The following ACOT12 variants were observed in gnomAD, a reference collection of about 807,000 sequenced individuals.
ACOT12 encodes the protein acyl-CoA thioesterase 12, also known as acetyl-coenzyme A thioesterase.
ACOT12 carries 51 observed loss-of-function variants against 67.7 expected under a neutral mutation model. The ratio of observed to expected loss-of-function variants is 0.75; its 90% CI spans 0.60 to 0.95. ACOT12 has a LOEUF of 0.95. Among genes scored for constraint, ACOT12 ranks in the 40% least tolerant of loss-of-function variants. ACOT12 has a pLI of 0.00. For synonymous variants in ACOT12, 251 were observed against 244.6 expected, an observed-to-expected ratio of 1.03 and a Z score of -0.24; for missense variants, 734 against 708.1, an observed-to-expected ratio of 1.04 and a Z score of -0.41.
At chr5:81,309,073 G>T in the ACOT12 span, 1 of 1,481,524 alleles carries the variant, frequency 6.7e-7, no homozygotes, top group Non-Finnish European at 9.2e-7. Flanking sequence ...CAGAAATGGT[G>T]AGTCATCGTG....
intron 3 of ACOT12, among the ~76,000 whole-genome samples, chr5:81,364,652 C>T (rs781645268): frequency 3.3e-5 from 5 of 152,164 alleles, no homozygotes; most frequent in Admixed American, 6.5e-5. Context: ...TGGTCTCGAT[C>T]TCATGACCTC....
chr5:81,328,659 G>A (rs1758731127), downstream of ACOT12, among the ~76,000 whole-genome samples: 1 of 152,180 alleles, frequency 6.6e-6, no homozygotes, highest in Non-Finnish European at 1.5e-5. Context: ...TTCAGGATAT[G>A]CTGAATGATC....
rs187713658 is a variant in ACOT12, at chr5:81,353,325, C to T, written c.497-5395G>A. Among the ~76,000 whole-genome samples the T allele has an allele frequency of 3.9e-5, 6 of 152,294 alleles. No individual in the cohort carries two copies. The East Asian group carries it at 9.6e-4, about 24-fold the overall frequency. On this transcript the variant is annotated intron_variant, in intron 5 of 14. Coordinates refer to ENST00000307624, the MANE Select transcript of ACOT12 (RefSeq NM_130767.3). Reference sequence around the variant, plus strand: ...ATAGGGTTTTCCCAGGTTCAGAGAGCAATTCAGGCTCGCAGTTCTGGTTTG... The same window carrying T: ...ATAGGGTTTTCCCAGGTTCAGAGAGTAATTCAGGCTCGCAGTTCTGGTTTG...
chr5:81,380,122 T>C (rs940269073), intron 2 of ACOT12, among the ~76,000 whole-genome samples: 1 of 152,198 alleles, frequency 6.6e-6, no homozygotes, highest in African/African-American at 2.4e-5. Context: ...AAATTTAAAT[T>C]TCTGGCACAG....
At position 81,360,034 on chromosome 5, in the gene ACOT12, T is replaced by A. The variant is rs757681963; in HGVS notation, c.365A>T (p.His122Leu). 4 of 1,601,294 alleles carry A rather than the reference T, an allele frequency of 2.5e-6. No individual in the cohort carries two copies. Among genetic ancestry groups the A allele is most frequent in the Non-Finnish European group, 3.4e-6 (4 of 1,177,258 alleles). ...VAKPVGKEKI[H>L]LKPVTLLTEQ... is the part of the protein sequence containing the mutation. ...AGTTAGAAGTGTGACTGGTTTTAAA[T>A]GAATCTAGAGAAAGAAAAGCATTTA... is the stretch of plus-strand genomic sequence containing the variant. Residue 122 changes from histidine to leucine, a missense_variant, in exon 5 of 15, where the codon CAT becomes CTT. Physicochemically the swap from His to Leu is moderately conservative, Grantham distance 99. Transcript: ENST00000307624.
the ACOT12 span, chr5:81,312,676 T>G: frequency 6.4e-7 from 1 of 1,558,080 alleles, no homozygotes; most frequent in Non-Finnish European, 8.8e-7. Flanking sequence ...CAGCTAGCAC[T>G]ATCATGAGTT....
chr5:81,387,947 G>T (rs939734221), intron 1 of ACOT12, among the ~76,000 whole-genome samples: 1 of 151,902 alleles, frequency 6.6e-6, no homozygotes, highest in Non-Finnish European at 1.5e-5. Flanking sequence ...TGTATATGTA[G>T]CACTATACTA....
intron 5 of ACOT12, among the ~76,000 whole-genome samples, chr5:81,359,090 G>A (rs1439456495): frequency 6.6e-6 from 1 of 152,080 alleles, no homozygotes; most frequent in Non-Finnish European, 1.5e-5. Context: ...GTTCTGACAT[G>A]TTCTTGTCCT....
Position 81,363,881 on chromosome 5 carries a change from G to C in ACOT12, c.267C>G (p.Ile89Met). 1 of 1,579,918 alleles carries C rather than the reference G, an allele frequency of 6.3e-7. No individual in the cohort carries two copies. Among genetic ancestry groups the C allele is most frequent in the Non-Finnish European group, 8.6e-7 (1 of 1,163,432 alleles). The change falls in exon 4 of 15, where the codon ATC (isoleucine) becomes ATG (methionine). Residue 89 changes from isoleucine (I) to methionine (M), a missense_variant. Transcript: ENST00000307624. Reference sequence around the variant, plus strand: ...TGAGCATATCCTGTACCATGACCTTGATACTGATCTAAAATGAAAAAAAGA... The same window carrying C: ...TGAGCATATCCTGTACCATGACCTTCATACTGATCTAAAATGAAAAAAAGA... ...RAFSTSMEIS[I>M]KVMVQDMLTG...
downstream of ACOT12, among the ~76,000 whole-genome samples, chr5:81,327,021 T>C (rs1561316201): frequency 6.6e-6 from 1 of 152,130 alleles, no homozygotes; most frequent in Non-Finnish European, 1.5e-5. Context: ...TTTTCTTTTT[T>C]TAACTTAATC....
intron 14 of ACOT12, 107 bp from the exon 15 acceptor site, chr5:81,330,650 C>T (rs369504004): frequency 6.8e-7 from 1 of 1,481,082 alleles, no homozygotes; most frequent in South Asian, 1.3e-5. Flanking sequence ...CCCTAATCTT[C>T]TGGGGGACCT....
intron 4 of ACOT12, among the ~76,000 whole-genome samples, chr5:81,361,499 C>A (rs1171226721): frequency 6.6e-6 from 1 of 152,160 alleles, no homozygotes; most frequent in Non-Finnish European, 1.5e-5. Flanking sequence ...CTGCACCCAG[C>A]CTGATTTAAC....
the ACOT12 span, chr5:81,312,569 G>A: frequency 1.9e-5 from 30 of 1,613,576 alleles, no homozygotes; most frequent in Non-Finnish European, 2.5e-5. Flanking sequence ...TTGGTCGCTG[G>A]GCAAAGGGAA....
Position 81,355,993 on chromosome 5 carries a change from C to T in ACOT12, c.496+3910G>A, listed in dbSNP as rs1257168475. Among the ~76,000 whole-genome samples, 3 of 152,208 alleles carry T rather than the reference C, an allele frequency of 2.0e-5. 1 individual carries two copies. The highest frequency in any genetic ancestry group is 1.3e-4 in the Admixed American group (2 of 15,288). ...CTGTGTCCCTCACCGTCCACATGTC[C>T]TGCAACAGATGACACTCGGGCTGTT... On this transcript the variant is annotated intron_variant, in intron 5 of 14. Coordinates refer to ENST00000307624, the MANE Select transcript of ACOT12 (RefSeq NM_130767.3).
the ACOT12 span, among the ~76,000 whole-genome samples, chr5:81,314,263 C>G: frequency 6.6e-6 from 1 of 152,038 alleles, no homozygotes; most frequent in South Asian, 2.1e-4. Context: ...CACCACCACA[C>G]CCCGCTAATT....
At position 81,370,641 on chromosome 5, in the gene ACOT12, A is replaced by G. The variant is rs1350401570; in HGVS notation, c.258+1109T>C. Among the ~76,000 whole-genome samples, 3 of 152,328 alleles carry G rather than the reference A, an allele frequency of 2.0e-5. No homozygotes were observed. The East Asian group carries it at 5.8e-4, about 29-fold the overall frequency. ...AGACTACAGAGAGCCATGGGAGGGT[A>G]GGAGAGCAGCATGAACAGATTATCC... On this transcript the variant is annotated intron_variant, in intron 3 of 14. Coordinates refer to ENST00000307624, the MANE Select transcript of ACOT12 (RefSeq NM_130767.3).
intron 2 of ACOT12, among the ~76,000 whole-genome samples, chr5:81,378,127 C>T (rs545909506): frequency 6.6e-6 from 1 of 152,200 alleles, no homozygotes; most frequent in African/African-American, 2.4e-5. Flanking sequence ...GGTACTGGTA[C>T]CAAAACAGAT....
intron 1 of ACOT12, among the ~76,000 whole-genome samples, chr5:81,390,491 C>CTTCTTT (rs1434606298): frequency 6.6e-6 from 1 of 150,958 alleles, no homozygotes; most frequent in Non-Finnish European, 1.5e-5. Flanking sequence ...CAATCTTTTT[C>CTTCTTT]TTCTTTTTCT....
intron 5 of ACOT12, among the ~76,000 whole-genome samples, chr5:81,355,297 G>A (rs1468072357): frequency 6.6e-6 from 1 of 152,072 alleles, no homozygotes; most frequent in Non-Finnish European, 1.5e-5. Context: ...TTCTCGTTTT[G>A]TTTATTATTT....
Sources: gnomAD v4.1 joint callset for allele counts (sites outside exome capture counted in the v4.1 genomes callset) on GRCh38, gnomAD v4.1.1 for gene constraint, MANE v1.5 for transcripts, NCBI Gene and HGNC (gene_info 2026-07-23, HGNC 2026-07-21) for gene names.